Variants in MYT1L observed in about 807,000 individuals in gnomAD.
MYT1L encodes the protein myelin transcription factor 1-like protein.
In MYT1L, 12 loss-of-function variants were observed where a neutral mutation model predicts 126.7. The observed-to-expected ratio is 0.09, with a 90% CI of 0.06 to 0.15. The LOEUF is 0.15. MYT1L is among the 10% of genes least tolerant of loss of function. The probability of loss-of-function intolerance (pLI) is 1.00; values close to 1 mark genes in which losing one functional copy is unlikely to be tolerated. For missense variants in MYT1L, 979 were observed against 1,585.2 expected, an observed-to-expected ratio of 0.62 and a Z score of 6.49; for synonymous variants, 541 against 604.2, an observed-to-expected ratio of 0.90 and a Z score of 1.53.
intron 1 of MYT1L, among the ~76,000 whole-genome samples, chr2:2,319,770 T>C (rs982988473): frequency 2.6e-5 from 4 of 151,846 alleles, no homozygotes; most frequent in African/African-American, 7.3e-5. Flanking sequence ...TATATATATA[T>C]ATATATATGC....
chr2:2,227,030 T>C (rs2094027017), intron 2 of MYT1L, among the ~76,000 whole-genome samples: 1 of 152,138 alleles, frequency 6.6e-6, no homozygotes, highest in South Asian at 2.1e-4. Flanking sequence ...TGAGCAGAAC[T>C]CAACTCAGCA....
rs199711223 is a variant in MYT1L at position 1,966,791 on chromosome 2, A to C, written c.152+12374T>G. ...ATGTTAAGTGAAAAAAAAAAAGAATACAAAATACAAAAAAATTTACATCGA... is the reference window on the plus strand; with the variant it reads ...ATGTTAAGTGAAAAAAAAAAAGAATCCAAAATACAAAAAAATTTACATCGA... On this transcript the variant is annotated intron_variant, in intron 8 of 24. Coordinates refer to ENST00000647738, the MANE Select transcript of MYT1L (RefSeq NM_001303052.2). 2.6e-5 allele frequency among the ~76,000 whole-genome samples: 4 copies of C among 152,056 alleles called. No individual in the cohort carries two copies. In the East Asian group the frequency reaches 7.7e-4, roughly 29 times the overall value.
At chr2:1,829,055 C>G (rs1047993512) in intron 21 of MYT1L, among the ~76,000 whole-genome samples, 2 of 152,132 alleles carry the variant, frequency 1.3e-5, no homozygotes, top group Admixed American at 6.5e-5. Flanking sequence ...AGAGGAACCT[C>G]CACTTCCCTC....
At position 2,325,657 on chromosome 2, in the gene MYT1L, C is replaced by T. The variant is rs193081972; in HGVS notation, c.-521+5310G>A. On this transcript the variant is annotated intron_variant, in intron 1 of 24. Coordinates refer to ENST00000647738, the MANE Select transcript of MYT1L (RefSeq NM_001303052.2). Reference sequence around the variant, plus strand: ...CAAACCTCTCTCCTATAACACTCACCGCTATGAAAGGCTACGTTAAATCAT... The same window carrying T: ...CAAACCTCTCTCCTATAACACTCACTGCTATGAAAGGCTACGTTAAATCAT... 9 of 152,336 alleles carry T rather than the reference C, an allele frequency of 5.9e-5. No homozygotes were observed. The South Asian group carries it at 1.0e-3, about 18-fold the overall frequency. The allele number at this position is 152,336 out of a possible 1,614,324, so 9.4% of individuals were successfully genotyped here.
intron 5 of MYT1L, 52 bp downstream of exon 5, chr2:1,997,139 C>T (rs1160509363): frequency 6.6e-6 from 1 of 151,366 alleles, no homozygotes; most frequent in Non-Finnish European, 1.5e-5. Context: ...GTGAGGGCCA[C>T]CCTGCTTCAG....
chr2:2,209,449 G>C (rs1167147793), intron 2 of MYT1L, among the ~76,000 whole-genome samples: 1 of 151,982 alleles, frequency 6.6e-6, no homozygotes, highest in East Asian at 1.9e-4. Flanking sequence ...ATCTCCGTGA[G>C]TTCAATTGTT....
At chr2:1,951,870 C>T (rs772342579) in intron 8 of MYT1L, among the ~76,000 whole-genome samples, 1 of 152,168 alleles carries the variant, frequency 6.6e-6, no homozygotes, top group South Asian at 2.1e-4. Context: ...TACTCTTATA[C>T]GTTTCTAGAA....
chr2:2,270,550 C>G (rs960216732), intron 2 of MYT1L, among the ~76,000 whole-genome samples: 1 of 151,976 alleles, frequency 6.6e-6, no homozygotes. Context: ...AAAAATGACA[C>G]ACGAGCAATG....
chr2:2,159,135 T>C (rs574147480), intron 3 of MYT1L, among the ~76,000 whole-genome samples: 16 of 152,056 alleles, frequency 1.1e-4, no homozygotes, highest in Non-Finnish European at 2.2e-4. Flanking sequence ...GAAGAGCTCC[T>C]GAGACTCCCA....
At chr2:2,049,403 AGAGT>A (rs1351967537) in intron 4 of MYT1L, among the ~76,000 whole-genome samples, 1 of 152,252 alleles carries the variant, frequency 6.6e-6, no homozygotes, top group Non-Finnish European at 1.5e-5. Context: ...TAGAGATAGT[AGAGT>A]GAGTTCACAG....
At chr2:1,819,243 A>G (rs2148119540) in intron 21 of MYT1L, among the ~76,000 whole-genome samples, 1 of 152,366 alleles carries the variant, frequency 6.6e-6, no homozygotes, top group Non-Finnish European at 1.5e-5. Flanking sequence ...AGCCACTTCC[A>G]TAGGTCATCA....
intron 2 of MYT1L, among the ~76,000 whole-genome samples, chr2:2,195,163 C>CCTG (rs1227783038): frequency 2.0e-5 from 3 of 152,222 alleles, no homozygotes; most frequent in Non-Finnish European, 4.4e-5. Flanking sequence ...GCACATCTTT[C>CCTG]CTGCTTACAG....
intron 5 of MYT1L, among the ~76,000 whole-genome samples, chr2:1,981,272 C>G (rs1379909143): frequency 2.6e-5 from 4 of 152,166 alleles, no homozygotes; most frequent in African/African-American, 7.2e-5. Context: ...ATTTAATGAG[C>G]TTAAAAATCT....
chr2:1,888,469 T>C (rs2048424669), intron 16 of MYT1L, among the ~76,000 whole-genome samples: 1 of 152,214 alleles, frequency 6.6e-6, no homozygotes, highest in South Asian at 2.1e-4. Flanking sequence ...ATGGGGCTAA[T>C]ATTTCTTTTT....
intron 4 of MYT1L, among the ~76,000 whole-genome samples, chr2:2,001,374 T>C (rs2062382112): frequency 6.6e-6 from 1 of 152,168 alleles, no homozygotes; most frequent in Non-Finnish European, 1.5e-5. Flanking sequence ...AATTAGGTTT[T>C]GTCACAGTCA....
At chr2:1,988,430 C>T (rs1433972424) in intron 5 of MYT1L, among the ~76,000 whole-genome samples, 1 of 152,222 alleles carries the variant, frequency 6.6e-6, no homozygotes, top group Non-Finnish European at 1.5e-5. Context: ...TCTGCTGGCT[C>T]TCCAGATTTC....
In MYT1L at chr2:2,101,250, A is replaced by G. The variant is rs185755415; in HGVS notation, c.-303-47127T>C. Among the ~76,000 whole-genome samples the G allele has an allele frequency of 1.1e-4, 17 of 152,262 alleles. 2 individuals are homozygous for G. The highest frequency in any genetic ancestry group is 3.9e-4 in the African/African-American group (16 of 41,550). On this transcript the variant is annotated intron_variant, in intron 3 of 24. Coordinates refer to ENST00000647738, the MANE Select transcript of MYT1L (RefSeq NM_001303052.2). Reference sequence around the variant, plus strand: ...ATACTTTTTTCTCACCAATTGGCAGATCTCACCAGCACTAACTCTTACGTG... The same window carrying G: ...ATACTTTTTTCTCACCAATTGGCAGGTCTCACCAGCACTAACTCTTACGTG...
intron 2 of MYT1L, among the ~76,000 whole-genome samples, chr2:2,204,647 C>G (rs1449460268): frequency 2.0e-5 from 3 of 150,412 alleles, no homozygotes; most frequent in Middle Eastern, 3.4e-3. Context: ...AATAGGAACA[C>G]TTTTACACTG....
chr2:2,289,549 A>G (rs2095568893), intron 1 of MYT1L, among the ~76,000 whole-genome samples: 3 of 152,252 alleles, frequency 2.0e-5, no homozygotes, highest in African/African-American at 2.4e-5. Flanking sequence ...ATGAAAAAAC[A>G]TAACAACCTG....
Sources: allele counts gnomAD v4.1 joint callset (sites outside exome capture counted in the v4.1 genomes callset), GRCh38; gene constraint gnomAD v4.1.1; transcripts MANE v1.5; gene names NCBI Gene and HGNC (gene_info 2026-07-23, HGNC 2026-07-21).